Variants in SDK1 observed in about 807,000 individuals in gnomAD.
The protein encoded by SDK1 is sidekick cell adhesion molecule 1.
Under a neutral mutation model 245.5 loss-of-function variants are expected in SDK1, and 157 were observed. The observed-to-expected ratio is 0.64, with a 90% confidence interval of 0.56 to 0.73. The LOEUF (loss-of-function observed/expected upper bound fraction) is 0.73. SDK1 is among the 30% of genes least tolerant of loss of function. SDK1 has a pLI of 0.00. For missense variants in SDK1, 3,583 were observed against 3,002.3 expected, an observed-to-expected ratio of 1.19 and a Z score of -4.52; for synonymous variants, 1,647 against 1,278.5, an observed-to-expected ratio of 1.29 and a Z score of -6.15.
At chr7:4,117,423 G>T (rs1015436495) in intron 25 of SDK1, among the ~76,000 whole-genome samples, 1 of 152,170 alleles carries the variant, frequency 6.6e-6, no homozygotes, top group African/African-American at 2.4e-5. Context: ...AGCTATGATC[G>T]CACCACTGCA....
intron 1 of SDK1, among the ~76,000 whole-genome samples, chr7:3,559,067 A>T (rs949219755): frequency 2.9e-4 from 44 of 152,284 alleles, no homozygotes; most frequent in African/African-American, 8.9e-4. Flanking sequence ...TAAGAATGAA[A>T]ATAGGAAGCA....
chr7:3,668,666 C>G (rs1220580186), intron 4 of SDK1, among the ~76,000 whole-genome samples: 2 of 152,168 alleles, frequency 1.3e-5, no homozygotes, highest in Admixed American at 6.5e-5. Context: ...TGGTGTGCAC[C>G]TGTAATCCCA....
chr7:4,113,981 C>T (rs75057838), intron 24 of SDK1, 56 bp from the exon 25 acceptor site: 24,730 of 1,479,002 alleles, frequency 0.017, 854 homozygotes, highest in African/African-American at 0.12. Context: ...CCTTACAACC[C>T]GTGAGGGTGG....
At chr7:3,311,813 C>G (rs993149188) in intron 1 of SDK1, among the ~76,000 whole-genome samples, 1 of 152,112 alleles carries the variant, frequency 6.6e-6, no homozygotes, top group Non-Finnish European at 1.5e-5. Context: ...CAGGGAATCC[C>G]TAGGTGCCAG....
rs542888434 is a variant in SDK1 at position 3,301,829 on chromosome 7, C to T, written c.243C>T (p.Arg81=). 2.7e-6 allele frequency: 3 copies of T among 1,115,006 alleles called. No individual in the cohort carries two copies. The highest frequency in any genetic ancestry group is 3.3e-6 in the Non-Finnish European group (3 of 914,448). 69.1% of individuals were successfully genotyped at this position (1,115,006 alleles called of 1,614,324 possible). The change falls in exon 1 of 45, where the codon CGC becomes CGT. Residue 81 remains arginine (R), a synonymous_variant. Coordinates refer to ENST00000404826, the MANE Select transcript of SDK1 (RefSeq NM_152744.4). ...CGGCAAAGTTGGGGCCGGGCCGCCG[C>T]GGCTGGTGGGCGCTGCTGGCGCTGC... ...RRAAKLGPGR[R]GWWALLALQL...
At chr7:3,915,063 C>T (rs568187594) in intron 5 of SDK1, among the ~76,000 whole-genome samples, 1 of 152,200 alleles carries the variant, frequency 6.6e-6, no homozygotes, top group Admixed American at 6.5e-5. Context: ...TGATTATTCT[C>T]TTGTACGGCC....
At chr7:3,818,887 G>T (rs929505715) in intron 4 of SDK1, among the ~76,000 whole-genome samples, 8 of 152,320 alleles carry the variant, frequency 5.3e-5, no homozygotes, top group African/African-American at 1.9e-4. Context: ...ACCTGATGCT[G>T]GGAATGGGGC....
At position 4,021,332 on chromosome 7, in the gene SDK1, C is replaced by G. The variant is rs73040469; in HGVS notation, c.2602+3980C>G. Among the ~76,000 whole-genome samples, 293 of 152,272 alleles carry G rather than the reference C, an allele frequency of 1.9e-3. 1 individual carries two copies. The highest frequency in any genetic ancestry group is 3.3e-3 in the Non-Finnish European group (227 of 68,022). ...AGTCCTCAGTCAGCACCCAGAGGAACGGGCTATGGACACGAGGGTTGTGAT... is the reference window on the plus strand; with the variant it reads ...AGTCCTCAGTCAGCACCCAGAGGAAGGGGCTATGGACACGAGGGTTGTGAT... On this transcript the variant is annotated intron_variant, in intron 17 of 44. Coordinates refer to ENST00000404826, the MANE Select transcript of SDK1 (RefSeq NM_152744.4).
At chr7:3,487,174 C>T (rs1467320996) in intron 1 of SDK1, among the ~76,000 whole-genome samples, 3 of 152,118 alleles carry the variant, frequency 2.0e-5, no homozygotes, top group African/African-American at 7.2e-5. Flanking sequence ...TCTTAGTGTG[C>T]CAGCTCCTGG....
At chr7:3,805,790 G>T (rs999232376) in intron 4 of SDK1, among the ~76,000 whole-genome samples, 2 of 152,128 alleles carry the variant, frequency 1.3e-5, no homozygotes, top group Non-Finnish European at 2.9e-5. Flanking sequence ...ATCCAAAAAA[G>T]AAATATTGTC....
At chr7:3,412,944 A>T (rs1487675488) in intron 1 of SDK1, among the ~76,000 whole-genome samples, 1 of 152,204 alleles carries the variant, frequency 6.6e-6, no homozygotes, top group Non-Finnish European at 1.5e-5. Flanking sequence ...GGGAATCAGC[A>T]AGGAGCAAGG....
intron 1 of SDK1, among the ~76,000 whole-genome samples, chr7:3,402,850 C>G (rs899880432): frequency 2.0e-5 from 3 of 152,146 alleles, no homozygotes; most frequent in African/African-American, 7.2e-5. Context: ...TTATTTTGCA[C>G]TTATATAAAT....
rs74606438 is a variant in SDK1, at chr7:4,000,159, C to T, written c.2132-10807C>T. On this transcript the variant is annotated intron_variant, in intron 14 of 44. Coordinates refer to ENST00000404826, the MANE Select transcript of SDK1 (RefSeq NM_152744.4). Reference sequence around the variant, plus strand: ...GCCCAAGATGGCCTAGAGCCCCAGGCCTGGACGTGGAAGTAGGAGGCCTGC... The same window carrying T: ...GCCCAAGATGGCCTAGAGCCCCAGGTCTGGACGTGGAAGTAGGAGGCCTGC... 3.8e-3 allele frequency among the ~76,000 whole-genome samples: 582 copies of T among 152,272 alleles called. 11 individuals carry two copies. The South Asian group carries it at 0.053, about 14-fold the overall frequency.
At chr7:3,638,114 T>C (rs1048966940) in intron 2 of SDK1, among the ~76,000 whole-genome samples, 2 of 152,266 alleles carry the variant, frequency 1.3e-5, no homozygotes, top group African/African-American at 2.4e-5. Flanking sequence ...TTGTGAGTTA[T>C]ATCTCCTGTG....
At chr7:3,982,017 A>T (rs192299645) in intron 13 of SDK1, among the ~76,000 whole-genome samples, 2 of 152,204 alleles carry the variant, frequency 1.3e-5, no homozygotes, top group African/African-American at 4.8e-5. Flanking sequence ...GGAGAAATCA[A>T]TGTCTGGTTT....
At position 3,437,935 on chromosome 7, in the gene SDK1, C is replaced by A. The variant is rs1025091937; in HGVS notation, c.298+136051C>A. 6.6e-5 allele frequency among the ~76,000 whole-genome samples: 10 copies of A among 152,166 alleles called. No individual in the cohort carries two copies. In the South Asian group the frequency reaches 8.3e-4, roughly 13 times the overall value. On this transcript the variant is annotated intron_variant, in intron 1 of 44. Transcript: ENST00000404826. ...CGCAGTGGTAATGAGAATACTCCCCCTACGTTTGTGTATGAGCCTTGGCAG... is the reference window on the plus strand; with the variant it reads ...CGCAGTGGTAATGAGAATACTCCCCATACGTTTGTGTATGAGCCTTGGCAG...
intron 1 of SDK1, among the ~76,000 whole-genome samples, chr7:3,402,121 G>A (rs1280297904): frequency 1.3e-5 from 2 of 152,136 alleles, no homozygotes; most frequent in South Asian, 2.1e-4. Flanking sequence ...CAATGTCACA[G>A]AAAATAATAT....
chr7:4,186,542 C>T (rs1470633782), intron 35 of SDK1, among the ~76,000 whole-genome samples: 8 of 152,196 alleles, frequency 5.3e-5, no homozygotes, highest in Non-Finnish European at 7.3e-5. Flanking sequence ...GGAGCCGGCT[C>T]GCCTTCCCCA....
At chr7:3,722,431 C>T (rs879363944) in intron 4 of SDK1, among the ~76,000 whole-genome samples, 3 of 152,094 alleles carry the variant, frequency 2.0e-5, no homozygotes, top group Non-Finnish European at 2.9e-5. Context: ...ACATTTGGAG[C>T]CTTTAATCAG....
Sources: allele counts gnomAD v4.1 joint callset (sites outside exome capture counted in the v4.1 genomes callset), GRCh38; gene constraint gnomAD v4.1.1; transcripts MANE v1.5; gene names NCBI Gene and HGNC (gene_info 2026-07-23, HGNC 2026-07-21).